Variants in ZNF536 observed in about 807,000 individuals in gnomAD.
ZNF536 encodes the protein zinc finger protein 536.
ZNF536 carries 13 observed loss-of-function variants against 84.5 expected under a neutral mutation model. That is an observed-to-expected ratio of 0.15 (90% confidence interval 0.10 to 0.24). ZNF536 has a LOEUF of 0.24. ZNF536 is among the 10% of genes least tolerant of loss of function. ZNF536 has a pLI of 1.00. For synonymous variants in ZNF536, 811 were observed against 742.5 expected (o/e 1.09, Z -1.50); for missense variants, 1,536 against 1,747.5 (o/e 0.88, Z 2.16).
At chr19:30,647,366 T>G (rs2049514491) in intron 1 of ZNF536, among the ~76,000 whole-genome samples, 1 of 152,154 alleles carries the variant, frequency 6.6e-6, no homozygotes, top group South Asian at 2.1e-4. Flanking sequence ...TCCCTGGGTG[T>G]TTTTAAAAGG....
intron 1 of ZNF536, among the ~76,000 whole-genome samples, chr19:30,253,517 A>G (rs2024732125): frequency 6.6e-6 from 1 of 152,218 alleles, no homozygotes. Flanking sequence ...CCAACAACGC[A>G]CAGCTTGAAT....
intron 1 of ZNF536, among the ~76,000 whole-genome samples, chr19:30,659,487 T>C (rs2050040105): frequency 6.6e-6 from 1 of 150,792 alleles, no homozygotes; most frequent in African/African-American, 2.4e-5. Flanking sequence ...GTTTTCAAGC[T>C]ACAGATAAAG....
chr19:30,428,526 G>A (rs775674921), intron 1 of ZNF536, among the ~76,000 whole-genome samples: 63 of 152,306 alleles, frequency 4.1e-4, no homozygotes, highest in Admixed American at 1.0e-3. Context: ...AGTAGCAGTG[G>A]CCACCCTGTG....
intron 3 of ZNF536, among the ~76,000 whole-genome samples, chr19:30,356,967 C>T (rs888843468): frequency 1.3e-5 from 2 of 152,188 alleles, no homozygotes; most frequent in African/African-American, 4.8e-5. Context: ...TGGTTCTTCC[C>T]AATTTTAGAG....
At chr19:30,365,543 T>G (rs977349401) in intron 3 of ZNF536, among the ~76,000 whole-genome samples, 8 of 152,226 alleles carry the variant, frequency 5.3e-5, no homozygotes, top group African/African-American at 1.9e-4. Context: ...GCATTGCCAC[T>G]TCTATGAATG....
At chr19:30,321,414 C>G (rs1189381823) in intron 2 of ZNF536, among the ~76,000 whole-genome samples, 1 of 152,096 alleles carries the variant, frequency 6.6e-6, no homozygotes, top group Non-Finnish European at 1.5e-5. Flanking sequence ...AAAAATTAGC[C>G]AGGCATGGTG....
At chr19:30,669,636 C>T (rs2050467565) in intron 1 of ZNF536, among the ~76,000 whole-genome samples, 1 of 152,186 alleles carries the variant, frequency 6.6e-6, no homozygotes, top group Non-Finnish European at 1.5e-5. Flanking sequence ...GCCCGATCCT[C>T]GCAGAAGGAC....
At chr19:30,671,011 C>G (rs528878450) in intron 1 of ZNF536, among the ~76,000 whole-genome samples, 1 of 152,204 alleles carries the variant, frequency 6.6e-6, no homozygotes, top group South Asian at 2.1e-4. Flanking sequence ...CCTCCCCTCC[C>G]CTTCTCTTTC....
intron 3 of ZNF536, among the ~76,000 whole-genome samples, chr19:30,364,632 G>A (rs1406613248): frequency 6.6e-6 from 1 of 152,218 alleles, no homozygotes; most frequent in African/African-American, 2.4e-5. Context: ...ATTGGGACAA[G>A]CTAAGTTTGG....
intron 1 of ZNF536, among the ~76,000 whole-genome samples, chr19:30,439,223 C>T (rs1299152572): frequency 6.6e-6 from 1 of 152,168 alleles, no homozygotes; most frequent in East Asian, 1.9e-4. Context: ...TATCTTTTCC[C>T]CAGCTTTGCA....
intron 2 of ZNF536, among the ~76,000 whole-genome samples, chr19:30,479,926 C>T (rs1180940767): frequency 6.6e-6 from 1 of 152,218 alleles, no homozygotes; most frequent in African/African-American, 2.4e-5. Context: ...TAATGCAGGT[C>T]TCGGTCCCCA....
At chr19:30,489,237 A>G (rs1490934823) in intron 2 of ZNF536, among the ~76,000 whole-genome samples, 1 of 152,206 alleles carries the variant, frequency 6.6e-6, no homozygotes. Context: ...TGACTTGTTT[A>G]TTTGATTGTA....
rs2050927632 is a variant in ZNF536 at position 30,680,543 on chromosome 19, A to G, written c.170-30214A>G. ...TTGCGATAGCTTACTGAGAATGATGATTTCCAATTTCATCCATGTCCCTAC... is the reference window on the plus strand; with the variant it reads ...TTGCGATAGCTTACTGAGAATGATGGTTTCCAATTTCATCCATGTCCCTAC... On this transcript the variant is annotated intron_variant, in intron 1 of 1. Transcript: ENST00000592773. Among the ~76,000 whole-genome samples the G allele has an allele frequency of 2.0e-5, 3 of 151,530 alleles. No individual in the cohort carries two copies. The South Asian group carries it at 6.3e-4, about 32-fold the overall frequency.
downstream of ZNF536, among the ~76,000 whole-genome samples, chr19:30,561,770 CT>C (rs1330265017): frequency 6.6e-6 from 1 of 150,582 alleles, no homozygotes; most frequent in Non-Finnish European, 1.5e-5. Flanking sequence ...TCCAGCCCAC[CT>C]GATGGCCAAC....
At chr19:30,410,463 G>GTTTTTTTTTTT (rs1165876265) in intron 1 of ZNF536, among the ~76,000 whole-genome samples, 5 of 94,686 alleles carry the variant, frequency 5.3e-5, no homozygotes, top group African/African-American at 3.0e-4. Context: ...AAAAGTGAAG[G>GTTTTTTTTTTT]TCTTTTTTTT....
intron 1 of ZNF536, among the ~76,000 whole-genome samples, chr19:30,595,582 C>T (rs2047436059): frequency 6.6e-6 from 1 of 152,208 alleles, no homozygotes; most frequent in African/African-American, 2.4e-5. Flanking sequence ...GCCACCATGC[C>T]TGGCCAGAAC....
intron 1 of ZNF536, among the ~76,000 whole-genome samples, chr19:30,601,291 GC>G (rs1475175362): frequency 6.6e-6 from 1 of 152,192 alleles, no homozygotes; most frequent in African/African-American, 2.4e-5. Context: ...CAATCTGGGT[GC>G]TGGGACTCCA....
intron 1 of ZNF536, among the ~76,000 whole-genome samples, chr19:30,663,772 G>T (rs548702926): frequency 6.6e-6 from 1 of 152,250 alleles, no homozygotes; most frequent in African/African-American, 2.4e-5. Context: ...ATGTATGCTT[G>T]CAGACACTAT....
chr19:30,318,634 G>GGT (rs368276471), intron 2 of ZNF536, among the ~76,000 whole-genome samples: 27 of 152,156 alleles, frequency 1.8e-4, no homozygotes, highest in Non-Finnish European at 2.5e-4. Flanking sequence ...AGGCACATTA[G>GGT]GTGTGTGTGT....
Sources: allele counts gnomAD v4.1 joint callset (sites outside exome capture counted in the v4.1 genomes callset), GRCh38; gene constraint gnomAD v4.1.1; transcripts MANE v1.5; gene names NCBI Gene and HGNC (gene_info 2026-07-23, HGNC 2026-07-21).